The following ST8SIA4 variants were observed in gnomAD, a reference collection of about 807,000 sequenced individuals.
ST8SIA4 encodes the protein ST8 alpha-N-acetyl-neuraminide alpha-2,8-sialyltransferase 4, also known as CMP-N-acetylneuraminate-poly-alpha-2,8-sialyltransferase.
ST8SIA4 carries 15 observed loss-of-function variants against 33.9 expected under a neutral mutation model. The observed-to-expected ratio is 0.44, with a 90% CI of 0.30 to 0.68. ST8SIA4 has a LOEUF of 0.68. ST8SIA4 is among the 30% of genes least tolerant of loss of function. The probability of loss-of-function intolerance (pLI) is 0.10; values close to 1 mark genes in which losing one functional copy is unlikely to be tolerated. For synonymous variants in ST8SIA4, 171 were observed against 151.2 expected, an observed-to-expected ratio of 1.13 and a Z score of -0.96; for missense variants, 321 against 428.0, an observed-to-expected ratio of 0.75 and a Z score of 2.21.
intron 2 of ST8SIA4, among the ~76,000 whole-genome samples, chr5:100,891,902 CATT>C (rs1224259433): frequency 7.9e-5 from 12 of 151,930 alleles, no homozygotes; most frequent in Non-Finnish European, 1.8e-4. Flanking sequence ...ATAGTATAAA[CATT>C]GTATGTAGAA....
At chr5:100,831,440 A>C (rs1163816465) in intron 4 of ST8SIA4, among the ~76,000 whole-genome samples, 1 of 152,216 alleles carries the variant, frequency 6.6e-6, no homozygotes, top group Non-Finnish European at 1.5e-5. Context: ...AACATTTATC[A>C]ATTCTAAAAC....
intron 3 of ST8SIA4, chr5:100,885,441 A>C: frequency 2.1e-6 from 2 of 939,640 alleles, no homozygotes; most frequent in Non-Finnish European, 2.5e-6. Flanking sequence ...TTATTTAAAA[A>C]TATTCAAAAA....
rs139879210 is a variant in ST8SIA4 at position 100,873,720 on chromosome 5, C to A, written c.503+12623G>T. Among the ~76,000 whole-genome samples, 11 of 152,222 alleles carry A rather than the reference C, an allele frequency of 7.2e-5. No homozygotes were observed. The East Asian group carries it at 2.1e-3, about 29-fold the overall frequency. On this transcript the variant is annotated intron_variant, in intron 3 of 4. Transcript: ENST00000231461. ...CATCCCAGAGAAAGGAAAGAATTTA[C>A]CACCACTTTTCCAACAAAGGTGGGG...
chr5:100,876,815 C>T lies in ST8SIA4; in HGVS notation c.503+9528G>A, dbSNP rs149608604. On this transcript the variant is annotated intron_variant, in intron 3 of 4. Transcript: ENST00000231461. ...GAAATCAGTTTGATATTGAGTCACT[C>T]GGTAGGAAATGAAAATTGAGCTTTA... 2.6e-3 allele frequency among the ~76,000 whole-genome samples: 400 copies of T among 151,866 alleles called. 8 individuals are homozygous for T. The highest frequency in any genetic ancestry group is 0.024 in the Admixed American group (359 of 15,262).
At chr5:100,825,305 G>A (rs1480658043) in intron 4 of ST8SIA4, among the ~76,000 whole-genome samples, 1 of 152,016 alleles carries the variant, frequency 6.6e-6, no homozygotes, top group African/African-American at 2.4e-5. Flanking sequence ...GGAAGCAAGG[G>A]TTAAAGAAAC....
intron 4 of ST8SIA4, among the ~76,000 whole-genome samples, chr5:100,824,896 CAAAAA>C (rs34354091): frequency 8.7e-6 from 1 of 115,250 alleles, no homozygotes; most frequent in Non-Finnish European, 1.8e-5. Flanking sequence ...CCTGTCTTGA[CAAAAA>C]AAAAAAAAAA....
chr5:100,902,605 C>A (rs1752945138), intron 1 of ST8SIA4, among the ~76,000 whole-genome samples: 1 of 152,158 alleles, frequency 6.6e-6, no homozygotes, highest in Admixed American at 6.5e-5. Context: ...CGAGAGAGCA[C>A]CCAGGGCCAA....
chr5:100,830,163 G>A (rs948884877), intron 4 of ST8SIA4, among the ~76,000 whole-genome samples: 36 of 152,178 alleles, frequency 2.4e-4, no homozygotes, highest in Non-Finnish European at 1.6e-4. Context: ...TTGAAGACCT[G>A]TTACAAGGGG....
rs897681129 is a variant in ST8SIA4 at position 100,874,967 on chromosome 5, T to A, written c.503+11376A>T. ...CATCAAACAATCCAAGTGCAAAATTTAAAAAATAATATCAATTGGACAATT... is the reference window on the plus strand; with the variant it reads ...CATCAAACAATCCAAGTGCAAAATTAAAAAAATAATATCAATTGGACAATT... On this transcript the variant is annotated intron_variant, in intron 3 of 4. Transcript: ENST00000231461. 2.6e-5 allele frequency among the ~76,000 whole-genome samples: 4 copies of A among 152,176 alleles called. No homozygotes were observed. The South Asian group carries it at 8.3e-4, about 31-fold the overall frequency.
chr5:100,873,673 G>C (rs984639290), intron 3 of ST8SIA4, among the ~76,000 whole-genome samples: 1 of 152,106 alleles, frequency 6.6e-6, no homozygotes, highest in Non-Finnish European at 1.5e-5. Flanking sequence ...AGTGCTGCTT[G>C]AGAGTTTCTA....
chr5:100,888,331 C>G (rs797003005), intron 2 of ST8SIA4, among the ~76,000 whole-genome samples: 2 of 151,774 alleles, frequency 1.3e-5, no homozygotes, highest in Non-Finnish European at 2.9e-5. Flanking sequence ...CAAGTTATTA[C>G]CTGATATTCA....
At chr5:100,893,814 T>A (rs540066850) in intron 2 of ST8SIA4, among the ~76,000 whole-genome samples, 6 of 152,256 alleles carry the variant, frequency 3.9e-5, no homozygotes, top group Admixed American at 3.9e-4. Flanking sequence ...TTCCATCAGG[T>A]TTCTTTACCA....
At chr5:100,818,735 C>A (rs897421398) in intron 4 of ST8SIA4, among the ~76,000 whole-genome samples, 2 of 151,952 alleles carry the variant, frequency 1.3e-5, no homozygotes, top group African/African-American at 4.8e-5. Context: ...TACATACAGA[C>A]AATACTTTAT....
intron 4 of ST8SIA4, among the ~76,000 whole-genome samples, chr5:100,843,773 A>G (rs1751514706): frequency 6.6e-6 from 1 of 151,852 alleles, no homozygotes; most frequent in Admixed American, 6.6e-5. Context: ...GCTCCAACAT[A>G]TTTTCCACTT....
At chr5:100,895,008 G>T (rs961794142) in intron 2 of ST8SIA4, among the ~76,000 whole-genome samples, 2 of 151,980 alleles carry the variant, frequency 1.3e-5, no homozygotes, top group African/African-American at 2.4e-5. Flanking sequence ...CCATAATTAA[G>T]AAGGTATGAC....
chr5:100,836,994 A>AC (rs1751376401), intron 4 of ST8SIA4, among the ~76,000 whole-genome samples: 3 of 88,628 alleles, frequency 3.4e-5, no homozygotes, highest in African/African-American at 1.1e-4. Context: ...ATTAGTGCTA[A>AC]AACACACACA....
At chr5:100,882,759 A>T (rs1752453214) in intron 3 of ST8SIA4, among the ~76,000 whole-genome samples, 1 of 152,232 alleles carries the variant, frequency 6.6e-6, no homozygotes, top group South Asian at 2.1e-4. Context: ...TGTAGAACTC[A>T]GGCTGTGGCT....
intron 4 of ST8SIA4, among the ~76,000 whole-genome samples, chr5:100,832,397 A>G (rs1751282981): frequency 1.3e-5 from 2 of 152,274 alleles, no homozygotes; most frequent in South Asian, 4.1e-4. Flanking sequence ...TATTGAAGAT[A>G]TTTCAGTATC....
chr5:100,825,917 G>T (rs558131265), intron 4 of ST8SIA4, among the ~76,000 whole-genome samples: 3 of 152,100 alleles, frequency 2.0e-5, no homozygotes, highest in South Asian at 4.2e-4. Context: ...CTATATTAGG[G>T]TCAAAAAATA....
Sources: gnomAD v4.1 joint callset for allele counts (sites outside exome capture counted in the v4.1 genomes callset) on GRCh38, gnomAD v4.1.1 for gene constraint, MANE v1.5 for transcripts, NCBI Gene and HGNC (gene_info 2026-07-23, HGNC 2026-07-21) for gene names.